MEGF10: variants seen among roughly 807,000 people sequenced by gnomAD.
MEGF10 encodes the protein multiple EGF like domains 10, also known as multiple epidermal growth factor-like domains protein 10.
MEGF10 carries 86 observed loss-of-function variants against 147.5 expected under a neutral mutation model. The observed-to-expected ratio is 0.58, with a 90% CI of 0.49 to 0.70. The LOEUF (loss-of-function observed/expected upper bound fraction) is 0.70, where lower values mean the gene tolerates loss of function less well. Ranked by LOEUF, MEGF10 falls within the 30% of genes least tolerant of loss-of-function variation. The pLI is 0.00. For synonymous variants in MEGF10, 478 were observed against 525.5 expected, an observed-to-expected ratio of 0.91 and a Z score of 1.24; for missense variants, 1,329 against 1,487.3, an observed-to-expected ratio of 0.89 and a Z score of 1.75.
At position 127,370,010 on chromosome 5, in the gene MEGF10, T is replaced by G. The variant is rs201865582; in HGVS notation, c.412+8T>G. ...GGACCAACTGCTCCAGTGGTAAGTT[T>G]CCACCTGCTGTTGTCTGTCTCGGGA... On this transcript the variant is annotated splice_region_variant and intron_variant, in intron 5 of 24. Transcript: ENST00000503335. The G allele has an allele frequency of 1.2e-5, 20 of 1,609,684 alleles. No homozygotes were observed. The highest frequency in any genetic ancestry group is 1.7e-5 in the Non-Finnish European group (20 of 1,176,324).
intron 4 of MEGF10, among the ~76,000 whole-genome samples, chr5:127,348,667 A>G (rs935821683): frequency 6.6e-6 from 1 of 152,192 alleles, no homozygotes; most frequent in African/African-American, 2.4e-5. Flanking sequence ...ATCCAAAAAC[A>G]TAGTTGCTTC....
chr5:127,314,029 C>T (rs965470239), intron 1 of MEGF10, among the ~76,000 whole-genome samples: 2 of 152,114 alleles, frequency 1.3e-5, no homozygotes, highest in East Asian at 1.9e-4. Flanking sequence ...CAACCAAGGG[C>T]GGCCCTGAGC....
At chr5:127,276,710 A>G in the MEGF10 span, among the ~76,000 whole-genome samples, 1 of 152,250 alleles carries the variant, frequency 6.6e-6, no homozygotes, top group Non-Finnish European at 1.5e-5. Context: ...CTTGAGATAC[A>G]TCAGTACACA....
chr5:127,249,950 A>G, the MEGF10 span, among the ~76,000 whole-genome samples: 1 of 152,124 alleles, frequency 6.6e-6, no homozygotes, highest in Non-Finnish European at 1.5e-5. Context: ...TTACCCCTTT[A>G]TGGCAAACCC....
chr5:127,317,200 A>G (rs7723222), intron 1 of MEGF10, among the ~76,000 whole-genome samples: 7,401 of 152,062 alleles, frequency 0.049, 604 homozygotes, highest in African/African-American at 0.17. Context: ...TAAATTTGTT[A>G]AAGTTCTTTG....
At position 127,345,281 on chromosome 5, in the gene MEGF10, G is replaced by T. The variant is rs535221916; in HGVS notation, c.319+4651G>T. ...AATGAGCACACAGAACTTTTGGGGA[G>T]GCTGGTAAAATGCAGATTCTGATTC... is the stretch of plus-strand genomic sequence containing the variant. On this transcript the variant is annotated intron_variant, in intron 4 of 24. Coordinates refer to ENST00000503335, the MANE Select transcript of MEGF10 (RefSeq NM_001256545.2). 2.0e-4 allele frequency among the ~76,000 whole-genome samples: 31 copies of T among 152,250 alleles called. No individual in the cohort carries two copies. In the South Asian group the frequency reaches 4.2e-3, roughly 20 times the overall value.
In MEGF10 at chr5:127,402,629, G is replaced by A. The variant is rs139531628; in HGVS notation, c.864G>A (p.Thr288=). ...AATGCCAGTGCCATAATGGAGGGAC[G>A]TGTGATGCTGCCACAGGCCAATGTC... ...SQECQCHNGG[T]CDAATGQCHC... is the part of the protein sequence containing the mutation. Residue 288 remains threonine (T), a synonymous_variant, in exon 8 of 25, where the codon ACG becomes ACA. Transcript: ENST00000503335. 2.2e-5 allele frequency: 35 copies of A among 1,613,994 alleles called. 1 individual carries two copies. The highest frequency in any genetic ancestry group is 1.9e-4 in the African/African-American group (14 of 74,900).
the MEGF10 span, among the ~76,000 whole-genome samples, chr5:127,258,339 G>A: frequency 6.6e-6 from 1 of 152,160 alleles, no homozygotes; most frequent in African/African-American, 2.4e-5. Flanking sequence ...TTATGTAATG[G>A]TAGTAGTGGA....
intron 19 of MEGF10, chr5:127,444,406 A>G (rs1435542649): frequency 2.0e-5 from 3 of 152,210 alleles, no homozygotes; most frequent in Admixed American, 6.5e-5. Context: ...ATCTCACTAC[A>G]TTATCCTTGG....
At chr5:127,340,125 T>A (rs2126799790) in intron 3 of MEGF10, among the ~76,000 whole-genome samples, 1 of 152,292 alleles carries the variant, frequency 6.6e-6, no homozygotes, top group East Asian at 1.9e-4. Context: ...TGTAAGTGAA[T>A]CAGTGAATAA....
chr5:127,327,081 G>T (rs552483022), intron 1 of MEGF10, among the ~76,000 whole-genome samples: 2 of 152,252 alleles, frequency 1.3e-5, no homozygotes, highest in African/African-American at 4.8e-5. Context: ...AGGCTTTTGT[G>T]GTAGAATAAG....
At chr5:127,346,583 T>C (rs1429836212) in intron 4 of MEGF10, among the ~76,000 whole-genome samples, 1 of 152,188 alleles carries the variant, frequency 6.6e-6, no homozygotes, top group Non-Finnish European at 1.5e-5. Context: ...GCTGATTTGT[T>C]TGAGCTCCTC....
At chr5:127,244,039 A>G in the MEGF10 span, among the ~76,000 whole-genome samples, 1 of 151,880 alleles carries the variant, frequency 6.6e-6, no homozygotes, top group South Asian at 2.1e-4. Context: ...TCTACTAAAA[A>G]TACAAAATTA....
the MEGF10 span, among the ~76,000 whole-genome samples, chr5:127,268,381 G>T: frequency 6.6e-6 from 1 of 152,220 alleles, no homozygotes. Flanking sequence ...GTTCTGAGAA[G>T]AATGTGTATT....
intron 22 of MEGF10, among the ~76,000 whole-genome samples, chr5:127,450,180 A>G (rs1766101507): frequency 6.6e-6 from 1 of 151,826 alleles, no homozygotes; most frequent in Non-Finnish European, 1.5e-5. Context: ...TTGAAAGAGA[A>G]TTAGAGTGAA....
intron 5 of MEGF10, among the ~76,000 whole-genome samples, chr5:127,383,076 C>A (rs1203489279): frequency 6.6e-6 from 1 of 152,026 alleles, no homozygotes; most frequent in Non-Finnish European, 1.5e-5. Flanking sequence ...ACCATGTAAC[C>A]CAGCAATTTT....
intron 14 of MEGF10, 57 bp downstream of exon 14, chr5:127,433,566 G>T (rs911326558): frequency 1.3e-6 from 2 of 1,539,170 alleles, no homozygotes; most frequent in African/African-American, 1.4e-5. Context: ...ACCATGTATC[G>T]AATAATGATC....
chr5:127,365,132 T>C (rs1050899870), intron 4 of MEGF10, among the ~76,000 whole-genome samples: 4 of 152,206 alleles, frequency 2.6e-5, no homozygotes, highest in African/African-American at 9.6e-5. Context: ...AAGGAACTTC[T>C]GGTGACAGAT....
chr5:127,419,295 G>T, intron 11 of MEGF10, 55 bp downstream of exon 11: 1 of 1,567,374 alleles, frequency 6.4e-7, no homozygotes, highest in South Asian at 1.2e-5. Context: ...ATCTCCTAAA[G>T]ACACAAAAAA....
Sources: gnomAD v4.1 joint callset for allele counts (sites outside exome capture counted in the v4.1 genomes callset) on GRCh38, gnomAD v4.1.1 for gene constraint, MANE v1.5 for transcripts, NCBI Gene and HGNC (gene_info 2026-07-23, HGNC 2026-07-21) for gene names.